The following SEPTIN9 variants were observed in gnomAD, a reference collection of about 807,000 sequenced individuals.
The protein encoded by SEPTIN9 is septin 9.
A neutral mutation model predicts 56.6 loss-of-function variants in SEPTIN9; 13 were observed. The observed-to-expected ratio is 0.23, with a 90% CI of 0.15 to 0.37. The LOEUF (loss-of-function observed/expected upper bound fraction) is 0.37. Ranked by LOEUF, SEPTIN9 falls within the 10% of genes least tolerant of loss-of-function variation. The pLI is 1.00. For synonymous variants in SEPTIN9, 332 were observed against 334.1 expected (o/e 0.99, Z 0.07); for missense variants, 650 against 823.1 (o/e 0.79, Z 2.57).
chr17:77,430,982 C>T (rs1039536431), intron 3 of SEPTIN9, among the ~76,000 whole-genome samples: 15 of 146,454 alleles, frequency 1.0e-4, no homozygotes, highest in African/African-American at 2.7e-4. Flanking sequence ...CAGAGCAATA[C>T]TCCGTATCAA....
intron 4 of SEPTIN9, among the ~76,000 whole-genome samples, chr17:77,485,817 A>T (rs570863284): frequency 7.2e-5 from 11 of 152,200 alleles, no homozygotes; most frequent in African/African-American, 2.6e-4. Context: ...CAAAGTCAGA[A>T]CATCAGTGTA....
At chr17:77,373,335 C>G (rs2034787342) in intron 2 of SEPTIN9, 4 of 1,176,978 alleles carry the variant, frequency 3.4e-6, no homozygotes, top group Non-Finnish European at 4.2e-6. Flanking sequence ...CCTTCCTCCC[C>G]CATTCATTCA....
chr17:77,467,122 C>T (rs1568093672), intron 3 of SEPTIN9, among the ~76,000 whole-genome samples: 2 of 152,230 alleles, frequency 1.3e-5, no homozygotes, highest in African/African-American at 4.8e-5. Flanking sequence ...TGCAGGACGG[C>T]AGATGGATAG....
At chr17:77,413,384 T>C (rs1469756092) in intron 3 of SEPTIN9, among the ~76,000 whole-genome samples, 2 of 152,218 alleles carry the variant, frequency 1.3e-5, no homozygotes, top group Non-Finnish European at 2.9e-5. Flanking sequence ...ACTATTTTTT[T>C]CCTAGAAAAG....
chr17:77,365,073 G>A (rs2143869927), intron 2 of SEPTIN9, among the ~76,000 whole-genome samples: 1 of 152,362 alleles, frequency 6.6e-6, no homozygotes, highest in South Asian at 2.1e-4. Context: ...GGTCTCCACT[G>A]TGGATGTTGG....
At position 77,367,290 on chromosome 17, in the gene SEPTIN9, G is replaced by A. The variant is rs545478835; in HGVS notation, c.77-34769G>A. 6.6e-6 allele frequency among the ~76,000 whole-genome samples: 1 copy of A among 152,308 alleles called. No homozygotes were observed. Among genetic ancestry groups the A allele is most frequent in the Non-Finnish European group, 1.5e-5 (1 of 68,024 alleles). ...TGTGATCCTGGGCATGTCGAGGCTG[G>A]AGCAGGTCTGCTTGGTGGCTGGCAG... On this transcript the variant is annotated intron_variant, in intron 2 of 11. Coordinates refer to ENST00000427177, the MANE Select transcript of SEPTIN9 (RefSeq NM_001113491.2). The surrounding 1 kb of genome is among the most constrained non-coding windows in gnomAD (Gnocchi z 4.5).
At chr17:77,302,493 C>T (rs975560585) in intron 1 of SEPTIN9, among the ~76,000 whole-genome samples, 4 of 152,036 alleles carry the variant, frequency 2.6e-5, no homozygotes, top group Non-Finnish European at 5.9e-5. Flanking sequence ...GCCTGGCCAA[C>T]ATGGTGAAAC....
chr17:77,305,746 T>C (rs2032233587), intron 1 of SEPTIN9, among the ~76,000 whole-genome samples: 1 of 151,764 alleles, frequency 6.6e-6, no homozygotes, highest in East Asian at 1.9e-4. Context: ...TTATGGAACA[T>C]GTGTACAGGC....
intron 2 of SEPTIN9, chr17:77,322,710 C>A (rs1014253510): frequency 6.6e-6 from 1 of 152,322 alleles, no homozygotes; most frequent in Admixed American, 6.5e-5. Flanking sequence ...GCAGCGCCCC[C>A]ACCTCCTGCG....
At chr17:77,414,752 A>AT (rs2036437699) in intron 3 of SEPTIN9, among the ~76,000 whole-genome samples, 1 of 151,512 alleles carries the variant, frequency 6.6e-6, no homozygotes, top group South Asian at 2.1e-4. Flanking sequence ...TAATTTTTGT[A>AT]TTTTTTGTAG....
At chr17:77,413,321 T>C (rs112991498) in intron 3 of SEPTIN9, among the ~76,000 whole-genome samples, 2,034 of 152,276 alleles carry the variant, frequency 0.013, 19 homozygotes, top group Non-Finnish European at 0.021. Flanking sequence ...AAACTTAAAC[T>C]TTTTCCATGG....
chr17:77,378,136 T>A (rs983674411), intron 2 of SEPTIN9, among the ~76,000 whole-genome samples: 3 of 151,864 alleles, frequency 2.0e-5, no homozygotes, highest in Non-Finnish European at 4.4e-5. Context: ...AAGAGGCAGG[T>A]GGAGGTAAAC....
Position 77,445,738 on chromosome 17 carries a change from A to G in SEPTIN9, c.722-36406A>G. ...CCCAACTGTCCCCTGTGGCTTCCAG[A>G]GTGGGACCTTGCTGTGGGATAGGCT... On this transcript the variant is annotated intron_variant, in intron 3 of 11. Coordinates refer to ENST00000427177, the MANE Select transcript of SEPTIN9 (RefSeq NM_001113491.2). The surrounding 1 kb of genome is among the most constrained non-coding windows in gnomAD (Gnocchi z 4.7). 3.4e-6 allele frequency: 1 copy of G among 290,314 alleles called. No homozygotes were observed. Among genetic ancestry groups the G allele is most frequent in the Non-Finnish European group, 7.2e-6 (1 of 138,234 alleles). 18.0% of individuals were successfully genotyped at this position (290,314 alleles called of 1,614,324 possible). A position where few individuals can be genotyped will look rare whatever the true frequency, so the allele number is the denominator to read the frequency against.
intron 2 of SEPTIN9, among the ~76,000 whole-genome samples, chr17:77,352,444 A>T (rs1361555524): frequency 7.4e-6 from 1 of 134,464 alleles, no homozygotes; most frequent in Non-Finnish European, 1.6e-5. Flanking sequence ...AACATCCGAA[A>T]TGTCTTCCCT....
At chr17:77,292,968 A>G (rs774604547) in intron 1 of SEPTIN9, among the ~76,000 whole-genome samples, 3 of 152,060 alleles carry the variant, frequency 2.0e-5, no homozygotes, top group Admixed American at 6.6e-5. Flanking sequence ...GGGTCTAACC[A>G]GGAAATGGAA....
intron 2 of SEPTIN9, among the ~76,000 whole-genome samples, chr17:77,359,104 G>T (rs117789338): frequency 6.6e-6 from 1 of 152,134 alleles, no homozygotes; most frequent in Admixed American, 6.5e-5. Context: ...ATTTTTAAGG[G>T]CATGACCTGA....
intron 2 of SEPTIN9, among the ~76,000 whole-genome samples, chr17:77,370,281 C>T (rs1028927955): frequency 6.6e-6 from 1 of 152,172 alleles, no homozygotes; most frequent in Non-Finnish European, 1.5e-5. Flanking sequence ...CCTTTCTTTG[C>T]CTCTTCCAGC....
chr17:77,419,479 C>T (rs1312812178), intron 3 of SEPTIN9, among the ~76,000 whole-genome samples: 1 of 151,760 alleles, frequency 6.6e-6, no homozygotes, highest in Non-Finnish European at 1.5e-5. Flanking sequence ...GGGCCGTAAT[C>T]AGCAGCAGCC....
rs556608989 is a variant in SEPTIN9, at chr17:77,495,943, C to A, written c.1574-1372C>A. Among the ~76,000 whole-genome samples the A allele has an allele frequency of 2.1e-3, 316 of 152,348 alleles. 2 individuals are homozygous for A. The highest frequency in any genetic ancestry group is 7.0e-3 in the African/African-American group (293 of 41,584). On this transcript the variant is annotated intron_variant, in intron 10 of 11. Coordinates refer to ENST00000427177, the MANE Select transcript of SEPTIN9 (RefSeq NM_001113491.2). ...AGCCAGGTGTATGGGTTCTGCATCC[C>A]GCTCCAGCCTTATGCACTGTGGAGC...
Sources: allele counts gnomAD v4.1 joint callset (sites outside exome capture counted in the v4.1 genomes callset), GRCh38; gene constraint gnomAD v4.1.1; non-coding constraint Gnocchi (gnomAD v3.1); transcripts MANE v1.5; gene names NCBI Gene and HGNC (gene_info 2026-07-23, HGNC 2026-07-21).